SBF2: variants seen among roughly 807,000 people sequenced by gnomAD.
The protein encoded by SBF2 is SET binding factor 2, also known as myotubularin-related protein 13.
Under a neutral mutation model 225.2 loss-of-function variants are expected in SBF2, and 112 were observed. That is an observed-to-expected ratio of 0.50 (90% CI 0.43 to 0.58). The LOEUF (loss-of-function observed/expected upper bound fraction) is 0.58, where lower values mean the gene tolerates loss of function less well. SBF2 is among the 20% of genes least tolerant of loss of function. SBF2 has a pLI of 0.00. For missense variants in SBF2, 1,996 were observed against 2,206.2 expected (o/e 0.90, Z 1.91); for synonymous variants, 763 against 773.3 (o/e 0.99, Z 0.22).
intron 16 of SBF2, among the ~76,000 whole-genome samples, chr11:9,910,128 A>C (rs562144994): frequency 6.6e-5 from 10 of 152,300 alleles, no homozygotes; most frequent in African/African-American, 2.4e-4. Context: ...AAGACTAATA[A>C]ATTCAACTAT....
intron 1 of SBF2, among the ~76,000 whole-genome samples, chr11:10,253,250 C>A (rs1960543724): frequency 6.6e-6 from 1 of 151,330 alleles, no homozygotes; most frequent in Non-Finnish European, 1.5e-5. Flanking sequence ...TTCTACAGAT[C>A]TGACTTTTTA....
intron 1 of SBF2, among the ~76,000 whole-genome samples, chr11:10,234,929 C>A (rs993045406): frequency 1.3e-5 from 2 of 152,168 alleles, no homozygotes; most frequent in Non-Finnish European, 2.9e-5. Context: ...TCAGCCCAGA[C>A]ATGGCACATC....
At chr11:9,950,430 T>C (rs945088942) in intron 16 of SBF2, among the ~76,000 whole-genome samples, 11 of 152,128 alleles carry the variant, frequency 7.2e-5, no homozygotes, top group Admixed American at 6.6e-4. Flanking sequence ...CATGAAAAAG[T>C]TTTAAAATGA....
chr11:9,871,468 C>T (rs573092239), intron 17 of SBF2, among the ~76,000 whole-genome samples: 42 of 64,412 alleles, frequency 6.5e-4, no homozygotes, highest in Admixed American at 1.6e-3. Flanking sequence ...GACAGGATGA[C>T]GCTTATTATT....
intron 1 of SBF2, among the ~76,000 whole-genome samples, chr11:10,251,709 C>G (rs1960373478): frequency 6.6e-6 from 1 of 152,132 alleles, no homozygotes; most frequent in Non-Finnish European, 1.5e-5. Context: ...TGTATTCTCT[C>G]AAAGGTTTTA....
intron 32 of SBF2, 66 bp from the exon 33 acceptor site, chr11:9,796,023 T>G: frequency 6.5e-7 from 1 of 1,527,864 alleles, no homozygotes; most frequent in Non-Finnish European, 9.0e-7. Flanking sequence ...GCCAGGCCAC[T>G]GAAGGCTTAA....
intron 1 of SBF2, among the ~76,000 whole-genome samples, chr11:10,237,442 C>T (rs1382401212): frequency 6.6e-6 from 1 of 152,134 alleles, no homozygotes; most frequent in African/African-American, 2.4e-5. Flanking sequence ...TGAAGGCTAC[C>T]CTAGGGAACC....
rs138930407 is a variant in SBF2 at position 10,251,775 on chromosome 11, G to T, written c.55+42240C>A. Among the ~76,000 whole-genome samples the T allele has an allele frequency of 5.3e-5, 8 of 152,108 alleles. No homozygotes were observed. In the East Asian group the frequency reaches 1.5e-3, roughly 29 times the overall value. ...CAAATGGTCTCTCTTCAACTGGAAT[G>T]ACAAAAGTTGAAAGAAATATGCGAC... On this transcript the variant is annotated intron_variant, in intron 1 of 39. Coordinates refer to ENST00000256190, the MANE Select transcript of SBF2 (RefSeq NM_030962.4).
At chr11:9,823,507 A>G (rs1854894098) in intron 28 of SBF2, among the ~76,000 whole-genome samples, 1 of 151,322 alleles carries the variant, frequency 6.6e-6, no homozygotes, top group African/African-American at 2.4e-5. Context: ...TTAGGGTAAA[A>G]AAAAAAAAAA....
intron 2 of SBF2, among the ~76,000 whole-genome samples, chr11:10,121,085 T>C (rs1471594511): frequency 6.6e-6 from 1 of 152,180 alleles, no homozygotes; most frequent in Non-Finnish European, 1.5e-5. Flanking sequence ...TTTGTTTGTT[T>C]GTTTAATAGT....
intron 1 of SBF2, among the ~76,000 whole-genome samples, chr11:10,268,045 G>GACCGCGTA (rs1282553102): frequency 6.6e-6 from 1 of 152,084 alleles, no homozygotes; most frequent in Non-Finnish European, 1.5e-5. Flanking sequence ...TTCCCTAGAA[G>GACCGCGTA]ACCGCGTAGG....
chr11:10,093,383 A>G (rs62846961), intron 2 of SBF2, among the ~76,000 whole-genome samples: 2 of 73,398 alleles, frequency 2.7e-5, no homozygotes, highest in African/African-American at 8.8e-5. Context: ...GGTCAGCTGG[A>G]AAAAAAAAAA....
chr11:10,036,412 TA>T (rs1949441943), intron 3 of SBF2, among the ~76,000 whole-genome samples: 1 of 151,794 alleles, frequency 6.6e-6, no homozygotes, highest in Non-Finnish European at 1.5e-5. Context: ...AAAGTATACT[TA>T]AAAAAAATAA....
At chr11:10,231,493 A>G (rs1286886205) in intron 1 of SBF2, among the ~76,000 whole-genome samples, 1 of 152,034 alleles carries the variant, frequency 6.6e-6, no homozygotes, top group Non-Finnish European at 1.5e-5. Context: ...TTTGGTGTGG[A>G]TGTCCTTTCT....
intron 16 of SBF2, among the ~76,000 whole-genome samples, chr11:9,942,410 A>G (rs1489625932): frequency 6.6e-6 from 1 of 152,238 alleles, no homozygotes; most frequent in Non-Finnish European, 1.5e-5. Flanking sequence ...GTTTATAGAT[A>G]CGAAAACTTG....
chr11:10,158,322 T>C (rs1475162986), intron 2 of SBF2, among the ~76,000 whole-genome samples: 2 of 151,158 alleles, frequency 1.3e-5, no homozygotes, highest in African/African-American at 2.4e-5. Context: ...GAAAAGAAAA[T>C]AATAAAGATT....
chr11:9,982,988 G>A (rs1234213500), intron 13 of SBF2, among the ~76,000 whole-genome samples: 1 of 152,150 alleles, frequency 6.6e-6, no homozygotes, highest in Non-Finnish European at 1.5e-5. Context: ...CAGAAGGGTG[G>A]CCAGAGGAGC....
intron 2 of SBF2, among the ~76,000 whole-genome samples, chr11:10,057,971 C>T (rs1174223732): frequency 6.6e-6 from 1 of 151,426 alleles, no homozygotes; most frequent in Non-Finnish European, 1.5e-5. Context: ...TACACAAAGT[C>T]CTGGCCTGAT....
intron 32 of SBF2, among the ~76,000 whole-genome samples, chr11:9,797,314 T>G (rs1343086842): frequency 6.6e-6 from 1 of 152,252 alleles, no homozygotes; most frequent in African/African-American, 2.4e-5. Context: ...TTTTCTGTGA[T>G]CATTAAAGGG....
Sources: allele counts gnomAD v4.1 joint callset (sites outside exome capture counted in the v4.1 genomes callset), GRCh38; gene constraint gnomAD v4.1.1; transcripts MANE v1.5; gene names NCBI Gene and HGNC (gene_info 2026-07-23, HGNC 2026-07-21).